MTUS2: variants seen among roughly 807,000 people sequenced by gnomAD.
MTUS2 encodes the protein microtubule associated scaffold protein 2, also known as microtubule-associated tumor suppressor candidate 2.
In MTUS2, 40 loss-of-function variants were observed where a neutral mutation model predicts 114.1. The ratio of observed to expected loss-of-function variants is 0.35; its 90% CI spans 0.27 to 0.46. The LOEUF (loss-of-function observed/expected upper bound fraction) is 0.46. Among genes scored for constraint, MTUS2 ranks in the 20% least tolerant of loss-of-function variants. MTUS2 has a pLI of 1.00. For missense variants in MTUS2, 1,679 were observed against 1,705.4 expected (o/e 0.98, Z 0.27); for synonymous variants, 688 against 672.0 (o/e 1.02, Z -0.37).
At chr13:29,386,885 T>A (rs976549098) in intron 8 of MTUS2, among the ~76,000 whole-genome samples, 4 of 152,172 alleles carry the variant, frequency 2.6e-5, no homozygotes, top group Non-Finnish European at 5.9e-5. Flanking sequence ...TAAGGCCTGC[T>A]CTTTCCACTC....
chr13:29,107,712 A>G (rs1890726185), intron 5 of MTUS2, among the ~76,000 whole-genome samples: 1 of 152,178 alleles, frequency 6.6e-6, no homozygotes, highest in Non-Finnish European at 1.5e-5. Context: ...TTTTTAAAGA[A>G]TTGGGCTAAA....
chr13:28,969,856 C>T (rs1347891881), intron 2 of MTUS2, among the ~76,000 whole-genome samples: 2 of 152,202 alleles, frequency 1.3e-5, no homozygotes, highest in African/African-American at 2.4e-5. Context: ...TCTTAGCTCA[C>T]TGCAACCTCT....
chr13:29,033,972 C>A lies in MTUS2; in HGVS notation c.2293C>A (p.Leu765Ile). 1.2e-6 allele frequency: 2 copies of A among 1,614,024 alleles called. No individual in the cohort carries two copies. The highest frequency in any genetic ancestry group is 1.7e-6 in the Non-Finnish European group (2 of 1,179,890). ...VPPTFYRSAM[L>I]LKPQLGLGAM... ...TCCAACTTTCTATCGGTCAGCCATGCTCCTTAAGCCCCAGCTAGGATTGGG... is the reference window on the plus strand; with the variant it reads ...TCCAACTTTCTATCGGTCAGCCATGATCCTTAAGCCCCAGCTAGGATTGGG... The change falls in exon 4 of 16, where the codon CTC becomes ATC. Residue 765 changes from leucine to isoleucine, a missense_variant. Coordinates refer to ENST00000612955, the MANE Select transcript of MTUS2 (RefSeq NM_001033602.4).
chr13:29,319,341 A>T (rs879728905), intron 6 of MTUS2, among the ~76,000 whole-genome samples: 1 of 152,122 alleles, frequency 6.6e-6, no homozygotes, highest in Non-Finnish European at 1.5e-5. Context: ...GGGGACTTCA[A>T]CCGCAGCGGC....
intron 5 of MTUS2, among the ~76,000 whole-genome samples, chr13:29,194,877 A>C (rs1361448828): frequency 3.2e-3 from 476 of 151,066 alleles, no homozygotes; most frequent in African/African-American, 0.011. Context: ...TGGATTAAGA[A>C]AATGTGGCAC....
chr13:29,361,991 G>A (rs1259062578), intron 8 of MTUS2, among the ~76,000 whole-genome samples: 1 of 152,188 alleles, frequency 6.6e-6, no homozygotes, highest in Non-Finnish European at 1.5e-5. Context: ...GCAAGTTCCT[G>A]CCTCTGTGCA....
At chr13:29,141,512 G>A (rs1892219080) in intron 5 of MTUS2, among the ~76,000 whole-genome samples, 1 of 152,154 alleles carries the variant, frequency 6.6e-6, no homozygotes, top group Admixed American at 6.5e-5. Flanking sequence ...AGCCCCAGGA[G>A]ATGGGTCATA....
At chr13:29,392,132 AAAAAAAAACAAACC>A (rs1417694230) in intron 8 of MTUS2, among the ~76,000 whole-genome samples, 1 of 67,092 alleles carries the variant, frequency 1.5e-5, no homozygotes, top group Admixed American at 2.3e-4. Flanking sequence ...TGTCTCAAAA[AAAAAAAAACAAACC>A]AAAAAAAAAA....
intron 4 of MTUS2, among the ~76,000 whole-genome samples, chr13:29,067,118 T>A (rs1888700338): frequency 6.6e-6 from 1 of 152,014 alleles, no homozygotes; most frequent in African/African-American, 2.4e-5. Context: ...TAAGGGACAT[T>A]TAGGTAGAAA....
intron 5 of MTUS2, among the ~76,000 whole-genome samples, chr13:29,229,586 C>A (rs895825326): frequency 1.3e-5 from 2 of 152,148 alleles, no homozygotes; most frequent in Non-Finnish European, 2.9e-5. Context: ...TCTCAATTTA[C>A]CATTTTAATT....
At chr13:29,242,210 C>T (rs1000016991) in intron 5 of MTUS2, among the ~76,000 whole-genome samples, 11 of 152,138 alleles carry the variant, frequency 7.2e-5, no homozygotes, top group African/African-American at 2.7e-4. Flanking sequence ...TTCATCATCT[C>T]AGTAAAAGCC....
chr13:29,103,397 A>G (rs979546074), intron 5 of MTUS2, among the ~76,000 whole-genome samples: 1 of 152,228 alleles, frequency 6.6e-6, no homozygotes, highest in Non-Finnish European at 1.5e-5. Flanking sequence ...ACTGTCGGCA[A>G]TTATAACACA....
chr13:29,183,960 G>A (rs1894113894), intron 5 of MTUS2, among the ~76,000 whole-genome samples: 1 of 152,056 alleles, frequency 6.6e-6, no homozygotes, highest in Admixed American at 6.5e-5. Flanking sequence ...AACATAAAAA[G>A]TTAACTGTAC....
At chr13:29,101,315 C>T (rs188742773) in intron 5 of MTUS2, among the ~76,000 whole-genome samples, 3 of 151,984 alleles carry the variant, frequency 2.0e-5, no homozygotes, top group African/African-American at 4.8e-5. Flanking sequence ...ATGAAACATA[C>T]TAGATATTTA....
intron 7 of MTUS2, among the ~76,000 whole-genome samples, chr13:29,349,426 A>G (rs1869031679): frequency 6.6e-6 from 1 of 152,140 alleles, no homozygotes; most frequent in Admixed American, 6.5e-5. Flanking sequence ...GTTTTCTTTT[A>G]AAGAAATTTA....
intron 2 of MTUS2, among the ~76,000 whole-genome samples, chr13:28,967,002 C>T (rs150928611): frequency 6.4e-4 from 97 of 152,258 alleles, no homozygotes; most frequent in Non-Finnish European, 1.1e-3. Context: ...ACTGTTACCA[C>T]GATCTGGCAG....
chr13:28,878,243 GTA>G (rs746993039), intron 2 of MTUS2, among the ~76,000 whole-genome samples: 3 of 147,204 alleles, frequency 2.0e-5, no homozygotes, highest in African/African-American at 5.3e-5. Context: ...GTATATATAT[GTA>G]TATATGTGTG....
At chr13:28,852,394 A>C (rs1282312333) in intron 2 of MTUS2, among the ~76,000 whole-genome samples, 1 of 152,138 alleles carries the variant, frequency 6.6e-6, no homozygotes, top group Non-Finnish European at 1.5e-5. Context: ...GGCACTCATT[A>C]AATATCTGTT....
intron 5 of MTUS2, among the ~76,000 whole-genome samples, chr13:29,234,200 A>C (rs1896445817): frequency 6.6e-6 from 1 of 152,178 alleles, no homozygotes; most frequent in East Asian, 1.9e-4. Flanking sequence ...TTTCACTTCA[A>C]AGATATCTAT....
Sources: gnomAD v4.1 joint callset for allele counts (sites outside exome capture counted in the v4.1 genomes callset) on GRCh38, gnomAD v4.1.1 for gene constraint, MANE v1.5 for transcripts, NCBI Gene and HGNC (gene_info 2026-07-23, HGNC 2026-07-21) for gene names.